PPL: variants seen among roughly 807,000 people sequenced by gnomAD.
PPL encodes the protein periplakin, also known as 190 kDa paraneoplastic pemphigus antigen.
In PPL, 198 loss-of-function variants were observed where a neutral mutation model predicts 194.4. That is an observed-to-expected ratio of 1.02 (90% CI 0.91 to 1.15). The LOEUF (loss-of-function observed/expected upper bound fraction) is 1.15. PPL is among the 50% of genes most tolerant of loss of function. PPL has a pLI of 0.00. For missense variants in PPL, 2,885 were observed against 2,294.8 expected, an observed-to-expected ratio of 1.26 and a Z score of -5.25; for synonymous variants, 1,220 against 972.4, an observed-to-expected ratio of 1.25 and a Z score of -4.74.
At chr16:4,894,339 CAGATGG>C in intron 12 of PPL, 122 bp downstream of exon 12, 1 of 1,168,512 alleles carries the variant, frequency 8.6e-7, no homozygotes, top group South Asian at 1.5e-5. Flanking sequence ...CAAGGGGGTG[CAGATGG>C]AGAGTGTCAG....
rs1017193136 is a variant in PPL, at chr16:4,888,327, G to C, written c.2398-109C>G. ...CCAGACCTGCCCTGTGCCATGTGCT[G>C]GTTTTATAATCTGCGTGGGTCTTCC... On this transcript the variant is annotated intron_variant, in intron 19 of 21. Coordinates refer to ENST00000345988, the MANE Select transcript of PPL (RefSeq NM_002705.5). 8.0e-6 allele frequency: 6 copies of C among 745,770 alleles called. No individual in the cohort carries two copies. In the African/African-American group the frequency reaches 1.0e-4, roughly 13 times the overall value. 46.2% of individuals were successfully genotyped at this position (745,770 alleles called of 1,614,324 possible). A position where few individuals can be genotyped will look rare whatever the true frequency, so the allele number is the denominator to read the frequency against.
At chr16:4,919,095 G>C (rs1486784647) in intron 1 of PPL, among the ~76,000 whole-genome samples, 1 of 152,244 alleles carries the variant, frequency 6.6e-6, no homozygotes, top group Non-Finnish European at 1.5e-5. Context: ...AAAAGGGAAA[G>C]GGCCTGAGTG....
chr16:4,895,490 G>A, intron 10 of PPL, 83 bp from the exon 11 acceptor site: 1 of 1,602,374 alleles, frequency 6.2e-7, no homozygotes, highest in Middle Eastern at 2.1e-4. Context: ...GCTGGATTCA[G>A]CAGGTGGGGT....
Position 4,899,233 on chromosome 16 carries a change from C to T in PPL, c.758G>A (p.Arg253His), listed in dbSNP as rs199679183. ...GCCCCCAGAACCCACCTCATACTGG[C>T]GCCGGCGGCTGGGGTAGTCGAGGTT... ...DRNLDYPSRR[R>H]QYENFINRNL... Residue 253 changes from arginine (R) to histidine (H), a missense_variant, in exon 7 of 22, where the codon CGC (arginine) becomes CAC (histidine). Physicochemically the swap from Arg to His is conservative, Grantham distance 29. Coordinates refer to ENST00000345988, the MANE Select transcript of PPL (RefSeq NM_002705.5). 2.7e-5 allele frequency: 43 copies of T among 1,613,854 alleles called. No homozygotes were observed. In the East Asian group the frequency reaches 5.3e-4, roughly 20 times the overall value.
chr16:4,891,201 G>A (rs1487246131), intron 16 of PPL, among the ~76,000 whole-genome samples: 1 of 152,232 alleles, frequency 6.6e-6, no homozygotes, highest in East Asian at 1.9e-4. Context: ...TGGTCATGAG[G>A]CTGTGGCAAA....
At chr16:4,909,376 C>G (rs2088772495) in intron 2 of PPL, among the ~76,000 whole-genome samples, 1 of 151,372 alleles carries the variant, frequency 6.6e-6, no homozygotes, top group East Asian at 1.9e-4. Context: ...AGACCTTGAC[C>G]TCCCTCCTGA....
chr16:4,917,998 A>AG (rs1194849519), intron 1 of PPL, among the ~76,000 whole-genome samples: 3 of 149,910 alleles, frequency 2.0e-5, no homozygotes, highest in Non-Finnish European at 4.4e-5. Flanking sequence ...AAAAAAAAAA[A>AG]CACAAAAAAG....
chr16:4,889,070 C>G lies in PPL; in HGVS notation c.2314-9G>C. 1.9e-6 allele frequency: 3 copies of G among 1,612,516 alleles called. No homozygotes were observed. The highest frequency in any genetic ancestry group is 2.5e-6 in the Non-Finnish European group (3 of 1,179,144). ...ATCTCATCTAGCAGGTTCTGTAAGA[C>G]AGAGTTTAAAAATCAAAACTAACCA... On this transcript the variant is annotated splice_polypyrimidine_tract_variant and intron_variant, in intron 18 of 21. Transcript: ENST00000345988.
intron 6 of PPL, among the ~76,000 whole-genome samples, chr16:4,900,148 A>T (rs1184907019): frequency 6.6e-6 from 1 of 152,222 alleles, no homozygotes; most frequent in Non-Finnish European, 1.5e-5. Context: ...TCTGTCTGAA[A>T]CATTGGCAAC....
In PPL at chr16:4,900,434, C is replaced by CTTTTTTTTT. The variant is rs1217002366; in HGVS notation, c.606+387_606+395dup. Among the ~76,000 whole-genome samples the CTTTTTTTTT allele has an allele frequency of 3.4e-3, 212 of 61,636 alleles. 27 individuals carry two copies. Among genetic ancestry groups the CTTTTTTTTT allele is most frequent in the African/African-American group, 9.6e-3 (175 of 18,196 alleles). The allele number at this position is 61,636 out of a possible 152,430, so 40.4% of individuals were successfully genotyped here. A position where few individuals can be genotyped will look rare whatever the true frequency, so the allele number is the denominator to read the frequency against. The stretch of plus-strand genomic sequence containing the variant: ...CCTGATTGAAACGTTTACTGCACGC[C>CTTTTTTTTT]TTTTTTTTTTTTTTTTTTTTTTAAA... On this transcript the variant is annotated intron_variant, in intron 6 of 21. Transcript: ENST00000345988.
In PPL at chr16:4,885,081, G is replaced by A. The variant is rs1187360391; in HGVS notation, c.3574C>T (p.Arg1192Cys). ...CGCTCCTGCTCCACAAGCTCCAGGC[G>A]GAGGTTCGCCACTTCACTTTCCGCC... ...PKAESEVANL[R>C]LELVEQERKY... Residue 1192 changes from arginine (R) to cysteine (C), a missense_variant, in exon 22 of 22, where the codon CGC (arginine) becomes TGC (cysteine). Physicochemically the swap from Arg to Cys is radical, Grantham distance 180. Transcript: ENST00000345988. This position sits in a 1 kb window ranked among gnomAD's most constrained non-coding sequence, Gnocchi z 6.3. The A allele has an allele frequency of 3.1e-6, 5 of 1,613,660 alleles. No individual in the cohort carries two copies. In the South Asian group the frequency reaches 3.3e-5, roughly 11 times the overall value.
intron 1 of PPL, among the ~76,000 whole-genome samples, chr16:4,917,416 A>C (rs1005755968): frequency 6.6e-6 from 1 of 152,172 alleles, no homozygotes; most frequent in Non-Finnish European, 1.5e-5. Flanking sequence ...AAAAGCTCAC[A>C]TATTATTCCA....
At position 4,885,066 on chromosome 16, in the gene PPL, C is replaced by T. The variant is rs376074218; in HGVS notation, c.3589G>A (p.Glu1197Lys). The change falls in exon 22 of 22, where the codon GAG becomes AAG. Residue 1197 changes from glutamate to lysine, a missense_variant. Transcript: ENST00000345988. The surrounding 1 kb of genome is among the most constrained non-coding windows in gnomAD (Gnocchi z 6.3). ...GCACCCCGGTACTTTCGCTCCTGCT[C>T]CACAAGCTCCAGGCGGAGGTTCGCC... is the stretch of plus-strand genomic sequence containing the variant. ...EVANLRLELVEQERKYRGAEE... is the reference protein window; with the variant it reads ...EVANLRLELVKQERKYRGAEE... 6.2e-7 allele frequency: 1 copy of T among 1,613,720 alleles called. No homozygotes were observed. The highest frequency in any genetic ancestry group is 1.7e-5 in the Admixed American group (1 of 60,024).
rs1394056152 is a variant in PPL at position 4,885,106 on chromosome 16, C to G, written c.3549G>C (p.Lys1183Asn). 1 of 1,613,822 alleles carries G rather than the reference C, an allele frequency of 6.2e-7. No homozygotes were observed. The highest frequency in any genetic ancestry group is 8.5e-7 in the Non-Finnish European group (1 of 1,180,036). Residue 1183 changes from lysine (K) to asparagine (N), a missense_variant, in exon 22 of 22, where the codon AAG becomes AAC. Lys to Asn is a moderately conservative substitution (Grantham distance 94). Transcript: ENST00000345988. This position sits in a 1 kb window ranked among gnomAD's most constrained non-coding sequence, Gnocchi z 6.3. ...KVREIVRPDP[K>N]AESEVANLRL... ...GGAGGTTCGCCACTTCACTTTCCGC[C>G]TTGGGGTCTGGCCGCACGATCTCCC...
At chr16:4,918,956 A>G (rs2088982178) in intron 1 of PPL, among the ~76,000 whole-genome samples, 1 of 151,998 alleles carries the variant, frequency 6.6e-6, no homozygotes, top group Admixed American at 6.6e-5. Flanking sequence ...CAGACGTGGC[A>G]CCCCTGGGCC....
chr16:4,885,652 C>T lies in PPL; in HGVS notation c.3003G>A (p.Glu1001=). 2.5e-6 allele frequency: 4 copies of T among 1,613,122 alleles called. No homozygotes were observed. The highest frequency in any genetic ancestry group is 3.4e-6 in the Non-Finnish European group (4 of 1,179,738). Residue 1001 remains glutamate, a synonymous_variant, in exon 22 of 22, where the codon GAG becomes GAA. Coordinates refer to ENST00000345988, the MANE Select transcript of PPL (RefSeq NM_002705.5). The surrounding 1 kb of genome is among the most constrained non-coding windows in gnomAD (Gnocchi z 6.3). ...EYVVKEVLRI[E]PDRAQADEVL... ...CCTCATCCGCCTGGGCCCTGTCAGG[C>T]TCGATGCGCAGGACCTCCTTGACCA...
At chr16:4,888,302 C>G in intron 19 of PPL, 84 bp from the exon 20 acceptor site, 2 of 932,530 alleles carry the variant, frequency 2.1e-6, no homozygotes, top group African/African-American at 3.2e-5. Context: ...TCAGGCTGAC[C>G]CAGACCTGCC....
chr16:4,897,731 G>C lies in PPL; in HGVS notation c.916C>G (p.Leu306Val). The C allele has an allele frequency of 6.2e-7, 1 of 1,613,952 alleles. No homozygotes were observed. The highest frequency in any genetic ancestry group is 8.5e-7 in the Non-Finnish European group (1 of 1,180,012). The change falls in exon 9 of 22, where the codon CTG (leucine) becomes GTG (valine). Residue 306 changes from leucine (L) to valine (V), a missense_variant. Leu to Val is a conservative substitution (Grantham distance 32, BLOSUM62 1). Coordinates refer to ENST00000345988, the MANE Select transcript of PPL (RefSeq NM_002705.5). ...CTCTCCTCGCAGATGAGCAGGTTCA[G>C]GTACTCCTTCCAGTCTGCGTGCACA... is the stretch of plus-strand genomic sequence containing the variant. The part of the protein sequence containing the change: ...EAVHADWKEY[L>V]NLLICEESHL...
Position 4,903,877 on chromosome 16 carries a change from G to C in PPL, c.317+9C>G. 1.2e-6 allele frequency: 2 copies of C among 1,613,692 alleles called. No homozygotes were observed. The highest frequency in any genetic ancestry group is 1.7e-6 in the Non-Finnish European group (2 of 1,179,940). ...GGCTCCCCTGGGGTAAGAAGCAGAAGGGACCTACTCCTCGGCGATCATGTC... is the reference window on the plus strand; with the variant it reads ...GGCTCCCCTGGGGTAAGAAGCAGAACGGACCTACTCCTCGGCGATCATGTC... On this transcript the variant is annotated intron_variant, in intron 3 of 21. Transcript: ENST00000345988.
Sources: gnomAD v4.1 joint callset for allele counts (sites outside exome capture counted in the v4.1 genomes callset) on GRCh38, gnomAD v4.1.1 for gene constraint, Gnocchi (gnomAD v3.1) non-coding constraint, MANE v1.5 for transcripts, NCBI Gene and HGNC (gene_info 2026-07-23, HGNC 2026-07-21) for gene names.